The following ADAMTSL1 variants were observed in gnomAD, a reference collection of about 807,000 sequenced individuals.
The protein encoded by ADAMTSL1 is ADAMTS like 1.
In ADAMTSL1, 126 loss-of-function variants were observed where a neutral mutation model predicts 201.8. The ratio of observed to expected loss-of-function variants is 0.62; its 90% CI spans 0.54 to 0.72. The LOEUF (loss-of-function observed/expected upper bound fraction) is 0.72, where lower values mean the gene tolerates loss of function less well. Among genes scored for constraint, ADAMTSL1 ranks in the 30% least tolerant of loss-of-function variants. The probability of loss-of-function intolerance (pLI) is 0.00; values close to 1 mark genes in which losing one functional copy is unlikely to be tolerated. For synonymous variants in ADAMTSL1, 1,121 were observed against 903.4 expected, an observed-to-expected ratio of 1.24 and a Z score of -4.32; for missense variants, 2,679 against 2,277.8, an observed-to-expected ratio of 1.18 and a Z score of -3.59.
chr9:18,694,667 C>T (rs538749752), intron 13 of ADAMTSL1, among the ~76,000 whole-genome samples: 18 of 152,206 alleles, frequency 1.2e-4, no homozygotes, highest in Admixed American at 1.0e-3. Context: ...GCATCTCCAC[C>T]CCTATGAAGT....
At chr9:18,798,354 C>T (rs1169929106) in intron 20 of ADAMTSL1, among the ~76,000 whole-genome samples, 2 of 152,198 alleles carry the variant, frequency 1.3e-5, no homozygotes, top group Non-Finnish European at 2.9e-5. Context: ...GACTCAATTT[C>T]TTCATCTGGA....
chr9:18,639,192 GTGCT>G, intron 6 of ADAMTSL1, 58 bp from the exon 7 acceptor site: 2 of 1,516,978 alleles, frequency 1.3e-6, no homozygotes, highest in South Asian at 2.3e-5. Context: ...TGCATGAAAT[GTGCT>G]TGCCTGTGGT....
At chr9:18,763,596 T>C (rs1239454618) in intron 16 of ADAMTSL1, among the ~76,000 whole-genome samples, 1 of 152,174 alleles carries the variant, frequency 6.6e-6, no homozygotes, top group Non-Finnish European at 1.5e-5. Flanking sequence ...CAATTTTTTT[T>C]TGTAGTAGCC....
At chr9:17,971,025 A>G (rs1293363905) in intron 1 of ADAMTSL1, among the ~76,000 whole-genome samples, 3 of 152,136 alleles carry the variant, frequency 2.0e-5, no homozygotes, top group East Asian at 1.9e-4. Context: ...TTATTGTTAC[A>G]TAAATATCTG....
chr9:17,955,857 T>A (rs1827909496), intron 1 of ADAMTSL1, among the ~76,000 whole-genome samples: 1 of 152,220 alleles, frequency 6.6e-6, no homozygotes, highest in African/African-American at 2.4e-5. Context: ...TGGATTCAGG[T>A]ATCCCCTGAG....
intron 2 of ADAMTSL1, among the ~76,000 whole-genome samples, chr9:18,335,086 G>A (rs1029355825): frequency 2.6e-5 from 4 of 152,052 alleles, no homozygotes; most frequent in Non-Finnish European, 5.9e-5. Context: ...AACTACACCA[G>A]CATCTTAGTG....
chr9:18,717,675 A>G (rs1031107389), intron 14 of ADAMTSL1, among the ~76,000 whole-genome samples: 2 of 152,196 alleles, frequency 1.3e-5, no homozygotes, highest in Non-Finnish European at 2.9e-5. Context: ...CACCATTTTC[A>G]TACATGTACA....
At chr9:18,419,988 A>G (rs1040411639) in intron 2 of ADAMTSL1, among the ~76,000 whole-genome samples, 1 of 152,106 alleles carries the variant, frequency 6.6e-6, no homozygotes, top group Non-Finnish European at 1.5e-5. Context: ...TCGGCCTTCC[A>G]AAGTGCTGGG....
chr9:18,766,063 A>C (rs758826406), intron 16 of ADAMTSL1, among the ~76,000 whole-genome samples: 1 of 151,998 alleles, frequency 6.6e-6, no homozygotes, highest in Non-Finnish European at 1.5e-5. Context: ...ACAAAAAAAA[A>C]GTCTGGCTGG....
At chr9:18,524,770 C>A (rs1043746462) in intron 2 of ADAMTSL1, among the ~76,000 whole-genome samples, 1 of 152,148 alleles carries the variant, frequency 6.6e-6, no homozygotes, top group African/African-American at 2.4e-5. Flanking sequence ...TTGAACCAGC[C>A]TTGAATCCCA....
In ADAMTSL1 at chr9:18,737,465, T is replaced by C. The variant is rs150319407; in HGVS notation, c.2006+15800T>C. ...AGAGGCCTTGGGATTCCTTCACTTC[T>C]AGTGATTGAGGGATGATTGTCACAT... is the stretch of plus-strand genomic sequence containing the variant. On this transcript the variant is annotated intron_variant, in intron 15 of 28. Coordinates refer to ENST00000380548, the MANE Select transcript of ADAMTSL1 (RefSeq NM_001040272.6). Among the ~76,000 whole-genome samples, 46 of 152,246 alleles carry C rather than the reference T, an allele frequency of 3.0e-4. 1 individual carries two copies. Among genetic ancestry groups the C allele is most frequent in the African/African-American group, 8.7e-4 (36 of 41,564 alleles).
At chr9:18,622,684 C>A (rs1013612885) in intron 5 of ADAMTSL1, 6 of 510,540 alleles carry the variant, frequency 1.2e-5, no homozygotes. Context: ...CCAGCTCCTG[C>A]GTGATGTGTA....
rs1287811426 is a variant in ADAMTSL1, at chr9:18,629,571, T to C, written c.602-6372T>C. On this transcript the variant is annotated intron_variant, in intron 5 of 28. Coordinates refer to ENST00000380548, the MANE Select transcript of ADAMTSL1 (RefSeq NM_001040272.6). ...TAATTGGTTTTTAAATAACCAACTC[T>C]GCATTTCTGGGATAAAGTGTACTTG... 2.0e-5 allele frequency among the ~76,000 whole-genome samples: 3 copies of C among 152,204 alleles called. No individual in the cohort carries two copies. The South Asian group carries it at 6.2e-4, about 32-fold the overall frequency.
chr9:18,024,931 A>T (rs114183364), intron 1 of ADAMTSL1, among the ~76,000 whole-genome samples: 505 of 152,054 alleles, frequency 3.3e-3, no homozygotes, highest in African/African-American at 0.011. Context: ...AGCCTTTGTC[A>T]TTCTTTGATT....
At chr9:18,626,495 TGAA>T (rs1467678803) in intron 5 of ADAMTSL1, among the ~76,000 whole-genome samples, 1 of 152,138 alleles carries the variant, frequency 6.6e-6, no homozygotes, top group Non-Finnish European at 1.5e-5. Flanking sequence ...ATATATTTCA[TGAA>T]GAACAAAGAA....
intron 20 of ADAMTSL1, among the ~76,000 whole-genome samples, chr9:18,807,285 C>T (rs1375878062): frequency 3.3e-5 from 5 of 152,146 alleles, no homozygotes; most frequent in Non-Finnish European, 1.5e-5. Context: ...CTATCAATTT[C>T]TATAAATTAA....
At chr9:18,213,466 G>A (rs903469030) in intron 2 of ADAMTSL1, among the ~76,000 whole-genome samples, 1 of 152,160 alleles carries the variant, frequency 6.6e-6, no homozygotes, top group Non-Finnish European at 1.5e-5. Context: ...TTAGTGAGAA[G>A]CTAAACTTTT....
intron 2 of ADAMTSL1, among the ~76,000 whole-genome samples, chr9:18,188,336 T>C (rs1212454868): frequency 2.0e-5 from 3 of 152,162 alleles, no homozygotes; most frequent in African/African-American, 2.4e-5. Flanking sequence ...AGTAGTAGAA[T>C]TGAGAAGTTC....
intron 20 of ADAMTSL1, among the ~76,000 whole-genome samples, chr9:18,811,119 T>A (rs1172299282): frequency 6.7e-6 from 1 of 149,820 alleles, no homozygotes; most frequent in Non-Finnish European, 1.5e-5. Context: ...TTTAGAAAAT[T>A]CTACTCTATG....
Sources: gnomAD v4.1 joint callset for allele counts (sites outside exome capture counted in the v4.1 genomes callset) on GRCh38, gnomAD v4.1.1 for gene constraint, MANE v1.5 for transcripts, NCBI Gene and HGNC (gene_info 2026-07-23, HGNC 2026-07-21) for gene names.